Variants in ZNF704 observed in about 807,000 individuals in gnomAD.
ZNF704 encodes glucocorticoid induced gene 1.
A neutral mutation model predicts 44.7 loss-of-function variants in ZNF704; 10 were observed. The observed-to-expected ratio is 0.22, with a 90% confidence interval of 0.14 to 0.38. The LOEUF is 0.38. Among genes scored for constraint, ZNF704 ranks in the 10% least tolerant of loss-of-function variants. The pLI, the probability that ZNF704 is intolerant of heterozygous loss-of-function variation, is 1.00. For missense variants in ZNF704, 390 were observed against 545.5 expected (o/e 0.71, Z 2.84); for synonymous variants, 211 against 207.6 (o/e 1.02, Z -0.14).
At chr8:80,699,167 C>A (rs1004029439) in intron 2 of ZNF704, among the ~76,000 whole-genome samples, 3 of 152,030 alleles carry the variant, frequency 2.0e-5, no homozygotes, top group Non-Finnish European at 4.4e-5. Context: ...AAAATAAAAT[C>A]TTTTACTGGA....
the ZNF704 span, among the ~76,000 whole-genome samples, chr8:80,880,349 A>G: frequency 1.3e-5 from 2 of 152,222 alleles, no homozygotes; most frequent in African/African-American, 4.8e-5. Context: ...AAAAAGAATG[A>G]TTACTGTATT....
intron 2 of ZNF704, among the ~76,000 whole-genome samples, chr8:80,813,106 T>C (rs983819960): frequency 1.3e-5 from 2 of 152,244 alleles, no homozygotes; most frequent in African/African-American, 4.8e-5. Context: ...ATATCCAATC[T>C]GTGCAACAAA....
chr8:80,807,139 T>C (rs1263494053), intron 2 of ZNF704, among the ~76,000 whole-genome samples: 1 of 152,192 alleles, frequency 6.6e-6, no homozygotes, highest in Non-Finnish European at 1.5e-5. Flanking sequence ...TTCCTTTATT[T>C]ACAAGGATGG....
intron 2 of ZNF704, among the ~76,000 whole-genome samples, chr8:80,800,404 T>C (rs896732453): frequency 6.6e-6 from 1 of 151,932 alleles, no homozygotes; most frequent in African/African-American, 2.4e-5. Context: ...GAAAAAATGT[T>C]AAGGACAGTC....
intron 2 of ZNF704, among the ~76,000 whole-genome samples, chr8:80,796,827 G>GA (rs2129773753): frequency 7.3e-6 from 1 of 136,144 alleles, no homozygotes; most frequent in African/African-American, 2.8e-5. Flanking sequence ...TGAAAGAAAA[G>GA]AAAGAAAAGA....
chr8:80,827,268 C>T (rs1287276788), intron 1 of ZNF704, among the ~76,000 whole-genome samples: 2 of 152,110 alleles, frequency 1.3e-5, no homozygotes, highest in African/African-American at 2.4e-5. Context: ...ACAAGCATTC[C>T]TATACACCAA....
intron 2 of ZNF704, among the ~76,000 whole-genome samples, chr8:80,772,213 T>G (rs1038102470): frequency 6.6e-6 from 1 of 152,200 alleles, no homozygotes; most frequent in Admixed American, 6.5e-5. Context: ...GGTATTAGGG[T>G]AATACTAGTT....
At chr8:80,778,523 T>C (rs567571195) in intron 2 of ZNF704, among the ~76,000 whole-genome samples, 88 of 152,268 alleles carry the variant, frequency 5.8e-4, no homozygotes, top group African/African-American at 1.9e-3. Flanking sequence ...CCCAGAGGAA[T>C]AGAAATCATT....
At chr8:80,717,351 C>A (rs1338401035) in intron 2 of ZNF704, among the ~76,000 whole-genome samples, 1 of 152,230 alleles carries the variant, frequency 6.6e-6, no homozygotes, top group East Asian at 1.9e-4. Context: ...ACTGAGGATG[C>A]AGCGAGCTGC....
At chr8:80,837,427 G>A (rs1420383659) in intron 1 of ZNF704, among the ~76,000 whole-genome samples, 1 of 152,122 alleles carries the variant, frequency 6.6e-6, no homozygotes, top group African/African-American at 2.4e-5. Context: ...GTTAATACAG[G>A]ATAGACTTGT....
At chr8:80,801,679 A>T (rs1807902122) in intron 2 of ZNF704, among the ~76,000 whole-genome samples, 2 of 152,186 alleles carry the variant, frequency 1.3e-5, no homozygotes, top group Non-Finnish European at 2.9e-5. Context: ...TTAAGGGGGA[A>T]ATTTATAGCA....
In ZNF704 at chr8:80,665,097, A is replaced by G; in HGVS notation, c.660-15T>C. ...CTCCAACGCGCCTAATGCAAAAGAGAGTAAAACAATCATACTAAGCCAATC... is the reference window on the plus strand; with the variant it reads ...CTCCAACGCGCCTAATGCAAAAGAGGGTAAAACAATCATACTAAGCCAATC... On this transcript the variant is annotated splice_polypyrimidine_tract_variant and intron_variant, in intron 5 of 8. Coordinates refer to ENST00000327835, the MANE Select transcript of ZNF704 (RefSeq NM_001033723.3). The G allele has an allele frequency of 1.2e-6, 2 of 1,612,130 alleles. No individual in the cohort carries two copies. Among genetic ancestry groups the G allele is most frequent in the Non-Finnish European group, 1.7e-6 (2 of 1,178,292 alleles).
At chr8:80,655,024 A>G (rs990033905) in intron 7 of ZNF704, among the ~76,000 whole-genome samples, 3 of 152,198 alleles carry the variant, frequency 2.0e-5, no homozygotes, top group Non-Finnish European at 2.9e-5. Flanking sequence ...AAAAATGATG[A>G]GTTCATGTCC....
chr8:80,700,818 C>T (rs776929678), intron 2 of ZNF704, among the ~76,000 whole-genome samples: 29 of 152,150 alleles, frequency 1.9e-4, no homozygotes, highest in Non-Finnish European at 3.4e-4. Flanking sequence ...AACAAGAATA[C>T]AGCATGAGCA....
chr8:80,651,766 A>C (rs1461143919), intron 7 of ZNF704, among the ~76,000 whole-genome samples: 1 of 152,206 alleles, frequency 6.6e-6, no homozygotes, highest in Admixed American at 6.5e-5. Flanking sequence ...AACGAGACAG[A>C]AAATTTACAA....
intron 4 of ZNF704, among the ~76,000 whole-genome samples, chr8:80,672,282 G>A (rs1334566363): frequency 6.6e-6 from 1 of 152,186 alleles, no homozygotes; most frequent in Non-Finnish European, 1.5e-5. Flanking sequence ...TGCTGGCGAG[G>A]CTGCAGAGAA....
Position 80,641,490 on chromosome 8 carries a change from CG to C in ZNF704, c.1128-14del. The C allele has an allele frequency of 6.3e-7, 1 of 1,575,586 alleles. No homozygotes were observed. On this transcript the variant is annotated splice_polypyrimidine_tract_variant and intron_variant, in intron 8 of 8. Transcript: ENST00000327835. ...TCCCCTGGGCTTCCTGTAAGACAGA[CG>C]AGGAAGGTTAGTTTAGTGGGAGGAA...
chr8:80,786,292 A>C (rs1807613178), intron 2 of ZNF704, among the ~76,000 whole-genome samples: 1 of 152,164 alleles, frequency 6.6e-6, no homozygotes, highest in Non-Finnish European at 1.5e-5. Context: ...CTACACTTAC[A>C]GTCCCTCTTC....
intron 2 of ZNF704, among the ~76,000 whole-genome samples, chr8:80,801,098 G>A (rs561424370): frequency 5.1e-4 from 77 of 151,618 alleles, no homozygotes; most frequent in African/African-American, 1.7e-3. Flanking sequence ...TAAAGCATTC[G>A]GATTCAACAT....
Sources: gnomAD v4.1 joint callset for allele counts (sites outside exome capture counted in the v4.1 genomes callset) on GRCh38, gnomAD v4.1.1 for gene constraint, MANE v1.5 for transcripts, NCBI Gene and HGNC (gene_info 2026-07-23, HGNC 2026-07-21) for gene names.